Variants in C4orf50 observed in about 807,000 individuals in gnomAD.
C4orf50 encodes the protein chromosome 4 open reading frame 50, also known as uncharacterized protein C4orf50.
In C4orf50, 80 loss-of-function variants were observed where a neutral mutation model predicts 77.2. That is an observed-to-expected ratio of 1.04 (90% CI 0.87 to 1.25). C4orf50 has a LOEUF of 1.25. Among genes scored for constraint, C4orf50 ranks in the 50% most tolerant of loss-of-function variants. The pLI is 0.00. For missense variants in C4orf50, 1,257 were observed against 1,152.9 expected, an observed-to-expected ratio of 1.09 and a Z score of -1.31; for synonymous variants, 532 against 465.3, an observed-to-expected ratio of 1.14 and a Z score of -1.84.
At chr4:5,910,789 T>C (rs1293227873) in intron 7 of C4orf50, among the ~76,000 whole-genome samples, 1 of 152,166 alleles carries the variant, frequency 6.6e-6, no homozygotes, top group Non-Finnish European at 1.5e-5. Context: ...GTGCTCTCTT[T>C]TTTGTTGTTG....
chr4:5,992,243 A>G lies in C4orf50; in HGVS notation c.1221+560T>C, dbSNP rs1325912340. Reference sequence around the variant, plus strand: ...TGAAGAGATGATGGAGGGCCTCTCTATTTACAACCACACAACCACAGCCGG... The same window carrying G: ...TGAAGAGATGATGGAGGGCCTCTCTGTTTACAACCACACAACCACAGCCGG... On this transcript the variant is annotated intron_variant, in intron 27 of 33. Transcript: ENST00000531445. The surrounding 1 kb of genome is among the most constrained non-coding windows in gnomAD (Gnocchi z 5.0). Among the ~76,000 whole-genome samples the G allele has an allele frequency of 1.3e-5, 2 of 152,200 alleles. No individual in the cohort carries two copies.
At chr4:5,910,667 C>T (rs1716763305) in intron 7 of C4orf50, among the ~76,000 whole-genome samples, 1 of 152,142 alleles carries the variant, frequency 6.6e-6, no homozygotes, top group South Asian at 2.1e-4. Context: ...AACCAATAAC[C>T]TCTCTACCTC....
intron 25 of C4orf50, among the ~76,000 whole-genome samples, chr4:5,997,506 G>T: frequency 6.6e-6 from 1 of 152,174 alleles, no homozygotes. Flanking sequence ...AAGTCGACAG[G>T]AGCACAGGAG....
intron 7 of C4orf50, among the ~76,000 whole-genome samples, chr4:5,912,442 G>A (rs1716850289): frequency 6.6e-6 from 1 of 152,282 alleles, no homozygotes; most frequent in Non-Finnish European, 1.5e-5. Context: ...TGAAGAAAAG[G>A]AGCTGGGATG....
At chr4:5,955,989 A>G (rs1312000833), downstream of C4orf50, among the ~76,000 whole-genome samples, 1 of 152,174 alleles carries the variant, frequency 6.6e-6, no homozygotes, top group Non-Finnish European at 1.5e-5. The surrounding 1 kb of genome is among the most constrained non-coding windows in gnomAD (Gnocchi z 5.1). Flanking sequence ...GGCCAACAAA[A>G]TGACAAATGT....
chr4:6,013,696 G>A (rs1437444014), intron 23 of C4orf50, among the ~76,000 whole-genome samples: 1 of 152,120 alleles, frequency 6.6e-6, no homozygotes, highest in Non-Finnish European at 1.5e-5. Context: ...ACACCAACAC[G>A]CGATTGCATG....
chr4:5,912,526 G>T (rs1383285568), intron 7 of C4orf50, among the ~76,000 whole-genome samples: 2 of 152,178 alleles, frequency 1.3e-5, no homozygotes, highest in African/African-American at 4.8e-5. Context: ...TGTAAAAGGG[G>T]TATGATGGTG....
intron 7 of C4orf50, chr4:5,902,750 AT>A (rs1716394973): frequency 6.6e-6 from 1 of 152,124 alleles, no homozygotes; most frequent in Non-Finnish European, 1.5e-5. Context: ...TCAATGGTCA[AT>A]GCACAACATC....
At chr4:5,903,302 G>T (rs1219339800) in intron 7 of C4orf50, 2 of 152,098 alleles carry the variant, frequency 1.3e-5, no homozygotes, top group Non-Finnish European at 2.9e-5. Flanking sequence ...AATGTCACTT[G>T]CTAACTCCAA....
intron 7 of C4orf50, among the ~76,000 whole-genome samples, chr4:5,951,466 T>C (rs1197093545): frequency 1.3e-5 from 2 of 152,216 alleles, no homozygotes; most frequent in East Asian, 3.9e-4. Context: ...TATCCCAGTC[T>C]GTCTCATTTC....
At position 6,009,235 on chromosome 4, in the gene C4orf50, C is replaced by G. The variant is rs1031191675; in HGVS notation, c.427-703G>C. ...CATCTGCCTCCTCCCACCCACGGGCCGTGAGCTGGACTGGGGTGCACAACC... is the reference window on the plus strand; with the variant it reads ...CATCTGCCTCCTCCCACCCACGGGCGGTGAGCTGGACTGGGGTGCACAACC... On this transcript the variant is annotated intron_variant, in intron 24 of 33. Coordinates refer to ENST00000531445, the Ensembl canonical transcript of C4orf50. This position sits in a 1 kb window ranked among gnomAD's most constrained non-coding sequence, Gnocchi z 5.6. Among the ~76,000 whole-genome samples, 13 of 152,192 alleles carry G rather than the reference C, an allele frequency of 8.5e-5. No homozygotes were observed. The highest frequency in any genetic ancestry group is 1.3e-4 in the Admixed American group (2 of 15,284).
intron 7 of C4orf50, among the ~76,000 whole-genome samples, chr4:5,910,498 G>T (rs1372181768): frequency 6.6e-6 from 1 of 152,192 alleles, no homozygotes; most frequent in Non-Finnish European, 1.5e-5. Context: ...AATGTGAATT[G>T]TGGTGTTTTT....
At chr4:5,984,131 G>T (rs1439910674) in intron 28 of C4orf50, among the ~76,000 whole-genome samples, 1 of 152,196 alleles carries the variant, frequency 6.6e-6, no homozygotes, top group African/African-American at 2.4e-5. Context: ...GCCCTACTAG[G>T]TCTGAGGGCA....
rs552509953 is a variant in C4orf50 at position 5,931,669 on chromosome 4, C to T, written c.*2474+25232G>A. ...CATCAGCAGCCCTTGTGATGTCTGA[C>T]GGGGAGGCCCACTCCACCCTCTCTG... On this transcript the variant is annotated intron_variant, in intron 7 of 7. Transcript: ENST00000324058. Among the ~76,000 whole-genome samples the T allele has an allele frequency of 7.2e-5, 11 of 152,112 alleles. No individual in the cohort carries two copies. The East Asian group carries it at 1.4e-3, about 19-fold the overall frequency.
At chr4:5,952,453 C>T (rs907010584), downstream of C4orf50, among the ~76,000 whole-genome samples, 30 of 152,314 alleles carry the variant, frequency 2.0e-4, no homozygotes, top group African/African-American at 7.0e-4. The surrounding 1 kb of genome is among the most constrained non-coding windows in gnomAD (Gnocchi z 4.4). Context: ...CAGGGCGAAG[C>T]GCATGAGCAC....
intron 7 of C4orf50, among the ~76,000 whole-genome samples, chr4:5,933,081 C>T (rs538812986): frequency 6.6e-6 from 1 of 152,250 alleles, no homozygotes; most frequent in South Asian, 2.1e-4. Context: ...GGACGGGAGC[C>T]TGGTGTTGTC....
At chr4:5,933,012 T>C (rs1201125824) in intron 7 of C4orf50, among the ~76,000 whole-genome samples, 1 of 152,134 alleles carries the variant, frequency 6.6e-6, no homozygotes, top group African/African-American at 2.4e-5. Context: ...TGTAAACAAA[T>C]TTCTCCTCAG....
exon 28 of C4orf50, chr4:5,989,836 G>A: frequency 6.8e-7 from 1 of 1,468,058 alleles, no homozygotes; most frequent in Non-Finnish European, 9.0e-7. Context: ...CAGACCGGAT[G>A]CTTCTTGATG....
rs1031191675 is a variant in C4orf50 at position 6,009,235 on chromosome 4, C to T, written c.427-703G>A. Among the ~76,000 whole-genome samples the T allele has an allele frequency of 1.3e-5, 2 of 152,192 alleles. No individual in the cohort carries two copies. Among genetic ancestry groups the T allele is most frequent in the African/African-American group, 2.4e-5 (1 of 41,452 alleles). On this transcript the variant is annotated intron_variant, in intron 24 of 33. Coordinates refer to ENST00000531445, the Ensembl canonical transcript of C4orf50. This position sits in a 1 kb window ranked among gnomAD's most constrained non-coding sequence, Gnocchi z 5.6. ...CATCTGCCTCCTCCCACCCACGGGC[C>T]GTGAGCTGGACTGGGGTGCACAACC... is the stretch of plus-strand genomic sequence containing the variant.
Sources: allele counts gnomAD v4.1 joint callset (sites outside exome capture counted in the v4.1 genomes callset), GRCh38; gene constraint gnomAD v4.1.1; non-coding constraint Gnocchi (gnomAD v3.1); transcripts MANE v1.5; gene names NCBI Gene and HGNC (gene_info 2026-07-23, HGNC 2026-07-21).